Variants in STX6 observed in about 807,000 individuals in gnomAD.
The protein encoded by STX6 is syntaxin 6, also known as syntaxin-6.
In STX6, 23 loss-of-function variants were observed where a neutral mutation model predicts 38.0. The ratio of observed to expected loss-of-function variants is 0.60; its 90% confidence interval spans 0.43 to 0.86. The LOEUF (loss-of-function observed/expected upper bound fraction) is 0.86, where lower values mean the gene tolerates loss of function less well. STX6 is among the 40% of genes least tolerant of loss of function. STX6 has a pLI of 0.00. For synonymous variants in STX6, 123 were observed against 107.5 expected, an observed-to-expected ratio of 1.14 and a Z score of -0.89; for missense variants, 274 against 312.9, an observed-to-expected ratio of 0.88 and a Z score of 0.94.
At chr1:181,002,583 C>T (rs768221925) in intron 3 of STX6, 23 bp downstream of exon 3, 3 of 1,549,614 alleles carry the variant, frequency 1.9e-6, no homozygotes, top group Non-Finnish European at 2.7e-6. Context: ...ATACAGATAA[C>T]ACAATAAGAT....
intron 6 of STX6, among the ~76,000 whole-genome samples, chr1:180,985,758 T>G (rs978599011): frequency 1.3e-5 from 2 of 152,248 alleles, no homozygotes; most frequent in Non-Finnish European, 2.9e-5. Context: ...AAATGATTAT[T>G]CTGAGGCTAG....
chr1:181,005,266 A>G lies in STX6; in HGVS notation c.205+28T>C, dbSNP rs1303451196. On this transcript the variant is annotated intron_variant, in intron 2 of 7. Coordinates refer to ENST00000258301, the MANE Select transcript of STX6 (RefSeq NM_005819.6). ...TTGTCCATTTGTCTATTTATCCCGA[A>G]TGGCACAGACACCACAGAAAAGGAT... 3 of 1,595,280 alleles carry G rather than the reference A, an allele frequency of 1.9e-6. No individual in the cohort carries two copies. In the African/African-American group the frequency reaches 4.0e-5, roughly 21 times the overall value.
intron 3 of STX6, among the ~76,000 whole-genome samples, chr1:180,994,956 AT>A (rs1463157301): frequency 2.8e-5 from 4 of 141,932 alleles, no homozygotes; most frequent in African/African-American, 8.4e-5. Context: ...GTATCAAGAA[AT>A]TTAAAAAAAA....
At chr1:180,987,449 T>C (rs1161190167) in intron 6 of STX6, among the ~76,000 whole-genome samples, 7 of 152,182 alleles carry the variant, frequency 4.6e-5, no homozygotes, top group Non-Finnish European at 7.4e-5. Context: ...TTGGCAGAGA[T>C]GGGTTGTCTT....
intron 1 of STX6, among the ~76,000 whole-genome samples, chr1:181,009,683 A>C (rs1395179991): frequency 6.6e-6 from 1 of 152,154 alleles, no homozygotes; most frequent in Non-Finnish European, 1.5e-5. Context: ...GAATTCTCAT[A>C]CCTTACTGGT....
In STX6 at chr1:181,013,030, T is replaced by A. The variant is rs769211467; in HGVS notation, c.36-7567A>T. Among the ~76,000 whole-genome samples the A allele has an allele frequency of 2.2e-4, 34 of 152,088 alleles. 1 individual carries two copies. Among genetic ancestry groups the A allele is most frequent in the Non-Finnish European group, 3.7e-4 (25 of 68,034 alleles). Reference sequence around the variant, plus strand: ...ATTCTGGCAAACCAACCTCATTTATTTTTGAAGTTAGCCCAACATTGATCC... The same window carrying A: ...ATTCTGGCAAACCAACCTCATTTATATTTGAAGTTAGCCCAACATTGATCC... On this transcript the variant is annotated intron_variant, in intron 1 of 7. Coordinates refer to ENST00000258301, the MANE Select transcript of STX6 (RefSeq NM_005819.6).
intron 7 of STX6, 100 bp downstream of exon 7, chr1:180,984,577 A>G (rs1655516988): frequency 2.0e-6 from 1 of 491,110 alleles, no homozygotes; most frequent in Admixed American, 3.7e-5. Context: ...TCTGTAAAAA[A>G]TAAGAAAGGG....
intron 3 of STX6, among the ~76,000 whole-genome samples, chr1:180,999,961 T>C (rs563570915): frequency 4.6e-5 from 7 of 152,346 alleles, no homozygotes; most frequent in African/African-American, 1.7e-4. Context: ...AATGTGGTAA[T>C]GTGGAATTAT....
intron 1 of STX6, among the ~76,000 whole-genome samples, chr1:181,007,740 G>A (rs374469021): frequency 3.3e-5 from 5 of 152,080 alleles, no homozygotes; most frequent in East Asian, 1.9e-4. Context: ...TGAAGACCCC[G>A]AAGAGCTCAG....
At chr1:180,993,743 T>C (rs1655820662) in intron 3 of STX6, among the ~76,000 whole-genome samples, 1 of 152,188 alleles carries the variant, frequency 6.6e-6, no homozygotes, top group South Asian at 2.1e-4. Flanking sequence ...AAGGACCCTG[T>C]GAAGCTGGTA....
At chr1:181,021,981 C>T (rs566886342) in intron 1 of STX6, among the ~76,000 whole-genome samples, 136 of 152,320 alleles carry the variant, frequency 8.9e-4, no homozygotes, top group African/African-American at 3.1e-3. Flanking sequence ...ATTTTGTTTT[C>T]CTTCCAAATC....
chr1:181,003,227 G>T (rs3827708), intron 2 of STX6, among the ~76,000 whole-genome samples: 108,979 of 151,996 alleles, frequency 0.72, 39,394 homozygotes, highest in African/African-American at 0.79. Context: ...TATACTTCTC[G>T]TTCATAGTCT....
At chr1:181,011,995 A>T (rs910674612) in intron 1 of STX6, among the ~76,000 whole-genome samples, 1 of 152,190 alleles carries the variant, frequency 6.6e-6, no homozygotes, top group African/African-American at 2.4e-5. Flanking sequence ...TTTATGTCTG[A>T]TTTAGCTATT....
At chr1:180,987,516 G>C (rs1323537786) in intron 6 of STX6, among the ~76,000 whole-genome samples, 1 of 152,176 alleles carries the variant, frequency 6.6e-6, no homozygotes, top group South Asian at 2.1e-4. Context: ...TGTAGAACAC[G>C]GGCCCACTAA....
At chr1:181,008,503 A>G (rs1656292263) in intron 1 of STX6, among the ~76,000 whole-genome samples, 1 of 151,982 alleles carries the variant, frequency 6.6e-6, no homozygotes, top group African/African-American at 2.4e-5. Context: ...GAGATGCTCA[A>G]CCTGTAATTT....
Position 180,973,911 on chromosome 1 carries a change from T to A in STX6, c.*2659A>T, listed in dbSNP as rs1655184637. 6.6e-6 allele frequency: 1 copy of A among 152,156 alleles called. No homozygotes were observed. 9.4% of individuals were successfully genotyped at this position (152,156 alleles called of 1,614,324 possible). A position where few individuals can be genotyped will look rare whatever the true frequency, so the allele number is the denominator to read the frequency against. On this transcript the variant is annotated 3_prime_UTR_variant, in exon 8 of 8. Coordinates refer to ENST00000258301, the MANE Select transcript of STX6 (RefSeq NM_005819.6). ...TCACATTCTGCCAGTTCTTTAAAAC[T>A]GGAATATGGTACTAGGTACAGAAGG... is the stretch of plus-strand genomic sequence containing the variant.
intron 4 of STX6, among the ~76,000 whole-genome samples, chr1:180,990,476 C>T (rs1361088178): frequency 6.6e-6 from 1 of 152,130 alleles, no homozygotes; most frequent in African/African-American, 2.4e-5. Context: ...CCCATAGGTT[C>T]CAGTCAACCT....
Position 180,974,609 on chromosome 1 carries a change from G to A in STX6, c.*1961C>T, listed in dbSNP as rs1310494294. On this transcript the variant is annotated 3_prime_UTR_variant, in exon 8 of 8. Coordinates refer to ENST00000258301, the MANE Select transcript of STX6 (RefSeq NM_005819.6). ...AATTTTATAATTCCTTAAGATGCTGGTTTGCTTCTTATAATGTGTTGTGTG... is the reference window on the plus strand; with the variant it reads ...AATTTTATAATTCCTTAAGATGCTGATTTGCTTCTTATAATGTGTTGTGTG... 6.6e-6 allele frequency: 1 copy of A among 152,562 alleles called. No individual in the cohort carries two copies. The highest frequency in any genetic ancestry group is 1.5e-5 in the Non-Finnish European group (1 of 68,028). 9.5% of individuals were successfully genotyped at this position (152,562 alleles called of 1,614,324 possible).
At chr1:181,017,469 A>G (rs558071249) in intron 1 of STX6, among the ~76,000 whole-genome samples, 1 of 152,362 alleles carries the variant, frequency 6.6e-6, no homozygotes, top group South Asian at 2.1e-4. Context: ...AAAATAGCAA[A>G]GAGCCATGGT....
Sources: gnomAD v4.1 joint callset for allele counts (sites outside exome capture counted in the v4.1 genomes callset) on GRCh38, gnomAD v4.1.1 for gene constraint, MANE v1.5 for transcripts, NCBI Gene and HGNC (gene_info 2026-07-23, HGNC 2026-07-21) for gene names.